The following TMPRSS11D variants were observed in gnomAD, a reference collection of about 807,000 sequenced individuals.
TMPRSS11D encodes transmembrane protease serine 11D.
A neutral mutation model predicts 44.4 loss-of-function variants in TMPRSS11D; 32 were observed. The observed-to-expected ratio is 0.72, with a 90% CI of 0.54 to 0.97. The LOEUF (loss-of-function observed/expected upper bound fraction) is 0.97. Among genes scored for constraint, TMPRSS11D ranks in the 50% least tolerant of loss-of-function variants. TMPRSS11D has a pLI of 0.00. For synonymous variants in TMPRSS11D, 179 were observed against 177.9 expected (o/e 1.01, Z -0.05); for missense variants, 446 against 502.6 (o/e 0.89, Z 1.08).
intron 1 of TMPRSS11D, among the ~76,000 whole-genome samples, chr4:67,876,033 C>T (rs185706247): frequency 1.5e-3 from 230 of 152,258 alleles, no homozygotes; most frequent in African/African-American, 5.1e-3. Context: ...CTTTCTGTCT[C>T]CTGAACAAAT....
chr4:67,865,887 T>C (rs1417661506), intron 1 of TMPRSS11D, among the ~76,000 whole-genome samples: 2 of 151,888 alleles, frequency 1.3e-5, no homozygotes, highest in Non-Finnish European at 2.9e-5. Flanking sequence ...CAGGACCAGA[T>C]GCATTCACAG....
At position 67,857,717 on chromosome 4, in the gene TMPRSS11D, G is replaced by C. The variant is rs940317748; in HGVS notation, c.130+1840C>G. ...ATACTAGAGACTGGGAAGGATGGAG[G>C]GGTGTGAGGGGGATTGAAGAGAGGT... On this transcript the variant is annotated intron_variant, in intron 2 of 9. Transcript: ENST00000283916. Among the ~76,000 whole-genome samples, 3 of 152,152 alleles carry C rather than the reference G, an allele frequency of 2.0e-5. No homozygotes were observed. The East Asian group carries it at 5.8e-4, about 29-fold the overall frequency.
intron 1 of TMPRSS11D, among the ~76,000 whole-genome samples, chr4:67,867,974 C>T (rs1718966332): frequency 6.6e-6 from 1 of 151,988 alleles, no homozygotes; most frequent in Non-Finnish European, 1.5e-5. Context: ...TGGGTATCTA[C>T]CCAAAGGAAA....
chr4:67,849,914 A>C (rs1174900003), intron 3 of TMPRSS11D, among the ~76,000 whole-genome samples: 3 of 152,142 alleles, frequency 2.0e-5, no homozygotes, highest in African/African-American at 7.2e-5. Context: ...CACAATCTTT[A>C]CTTACCAGTC....
intron 9 of TMPRSS11D, among the ~76,000 whole-genome samples, chr4:67,823,987 G>T (rs1717718780): frequency 6.6e-6 from 1 of 152,048 alleles, no homozygotes; most frequent in Non-Finnish European, 1.5e-5. Flanking sequence ...CCATAGACTT[G>T]CTGAATGCAG....
intron 3 of TMPRSS11D, among the ~76,000 whole-genome samples, chr4:67,848,341 A>G (rs1226785870): frequency 1.3e-5 from 2 of 152,202 alleles, no homozygotes; most frequent in Non-Finnish European, 2.9e-5. Context: ...GTAAACAGGT[A>G]CTTTCGTTAT....
intron 3 of TMPRSS11D, among the ~76,000 whole-genome samples, chr4:67,852,528 AG>A (rs1385199795): frequency 6.6e-6 from 1 of 152,216 alleles, no homozygotes; most frequent in Non-Finnish European, 1.5e-5. Flanking sequence ...TCACAGCTGG[AG>A]GACTGAATCA....
At chr4:67,864,218 T>C (rs993439478) in intron 1 of TMPRSS11D, among the ~76,000 whole-genome samples, 1 of 152,062 alleles carries the variant, frequency 6.6e-6, no homozygotes, top group Non-Finnish European at 1.5e-5. Flanking sequence ...TCCACACTTT[T>C]TATTTTGCTC....
In TMPRSS11D at chr4:67,827,421, A is replaced by G; in HGVS notation, c.792T>C (p.Tyr264=). The G allele has an allele frequency of 6.2e-7, 1 of 1,613,158 alleles. No homozygotes were observed. The highest frequency in any genetic ancestry group is 8.5e-7 in the Non-Finnish European group (1 of 1,179,504). Reference sequence around the variant, plus strand: ...TGTCATTTTCATGAGTTGCAGATTTATAATTGTTATGAATTAAAATATTTC... The same window carrying G: ...TGTCATTTTCATGAGTTGCAGATTTGTAATTGTTATGAATTAAAATATTTC... ...RVRNILIHNN[Y]KSATHENDIA... Residue 264 remains tyrosine, a synonymous_variant, in exon 8 of 10, where the codon TAT becomes TAC. Coordinates refer to ENST00000283916, the MANE Select transcript of TMPRSS11D (RefSeq NM_004262.3).
chr4:67,883,991 A>T lies in TMPRSS11D; in HGVS notation c.-58T>A. Reference sequence around the variant, plus strand: ...CCTACTCAACTGCTTTGAGATTCCCACTCAAATGAATGACTCTCATGTATT... The same window carrying T: ...CCTACTCAACTGCTTTGAGATTCCCTCTCAAATGAATGACTCTCATGTATT... On this transcript the variant is annotated 5_prime_UTR_variant, in exon 1 of 10. Coordinates refer to ENST00000283916, the MANE Select transcript of TMPRSS11D (RefSeq NM_004262.3). 4.0e-6 allele frequency: 6 copies of T among 1,506,542 alleles called. No homozygotes were observed. The highest frequency in any genetic ancestry group is 4.6e-6 in the Non-Finnish European group (5 of 1,097,476). The allele number at this position is 1,506,542 out of a possible 1,614,324, so 93.3% of individuals were successfully genotyped here. A position where few individuals can be genotyped will look rare whatever the true frequency, so the allele number is the denominator to read the frequency against.
rs1719075361 is a variant in TMPRSS11D, at chr4:67,872,181, C to T, written c.8+11745G>A. On this transcript the variant is annotated intron_variant, in intron 1 of 9. Coordinates refer to ENST00000283916, the MANE Select transcript of TMPRSS11D (RefSeq NM_004262.3). ...TTTCAAAACAAGAAACAACTACTTA[C>T]AGACTTGCTTGCTTCCTTGCCTATT... is the stretch of plus-strand genomic sequence containing the variant. Among the ~76,000 whole-genome samples the T allele has an allele frequency of 2.6e-5, 4 of 152,174 alleles. No individual in the cohort carries two copies. The South Asian group carries it at 8.3e-4, about 31-fold the overall frequency.
At chr4:67,859,749 T>C in intron 1 of TMPRSS11D, 71 bp from the exon 2 acceptor site, 1 of 1,579,238 alleles carries the variant, frequency 6.3e-7, no homozygotes, top group Non-Finnish European at 8.6e-7. Context: ...GTGTTCATGA[T>C]TGTCTTCTGT....
At chr4:67,839,702 G>A (rs1718184161) in intron 4 of TMPRSS11D, among the ~76,000 whole-genome samples, 1 of 151,788 alleles carries the variant, frequency 6.6e-6, no homozygotes, top group Admixed American at 6.6e-5. Flanking sequence ...ATCTGTTTCC[G>A]AGATCCAGCT....
intron 3 of TMPRSS11D, among the ~76,000 whole-genome samples, chr4:67,851,770 T>A (rs1232326860): frequency 6.6e-6 from 1 of 152,228 alleles, no homozygotes; most frequent in African/African-American, 2.4e-5. Flanking sequence ...CTACCGAAGT[T>A]AGACATTTCT....
At chr4:67,842,688 A>C in intron 3 of TMPRSS11D, 63 bp from the exon 4 acceptor site, 1 of 1,429,056 alleles carries the variant, frequency 7.0e-7, no homozygotes, top group Non-Finnish European at 9.7e-7. Context: ...CTTCCTCTCA[A>C]CCTTGCAACA....
rs558274402 is a variant in TMPRSS11D, at chr4:67,822,224, A to C, written c.*113T>G. 1.7e-6 allele frequency: 2 copies of C among 1,177,882 alleles called. No homozygotes were observed. The highest frequency in any genetic ancestry group is 4.3e-5 in the Admixed American group (2 of 46,268). The allele number at this position is 1,177,882 out of a possible 1,614,324, so 73.0% of individuals were successfully genotyped here. A position where few individuals can be genotyped will look rare whatever the true frequency, so the allele number is the denominator to read the frequency against. On this transcript the variant is annotated 3_prime_UTR_variant, in exon 10 of 10. Transcript: ENST00000283916. ...GTTTGTTAAACCATATTTATGTAACAAGATGTTAAATTAGGACATTTCTAG... is the reference window on the plus strand; with the variant it reads ...GTTTGTTAAACCATATTTATGTAACCAGATGTTAAATTAGGACATTTCTAG...
At chr4:67,867,033 A>G (rs1718941844) in intron 1 of TMPRSS11D, among the ~76,000 whole-genome samples, 1 of 152,146 alleles carries the variant, frequency 6.6e-6, no homozygotes. Context: ...AAGCAATTCT[A>G]AGCAAAAAGA....
Position 67,854,057 on chromosome 4 carries a change from T to C in TMPRSS11D, c.249+11A>G, listed in dbSNP as rs1429190040. 1.4e-6 allele frequency: 2 copies of C among 1,414,022 alleles called. No homozygotes were observed. The highest frequency in any genetic ancestry group is 2.2e-5 in the Admixed American group (1 of 44,862). The allele number at this position is 1,414,022 out of a possible 1,614,324, so 87.6% of individuals were successfully genotyped here. ...TAATGGAATAAAGAGCAAAGACAAA[T>C]ATTAACTTACCAGAGATTCAATTCT... is the stretch of plus-strand genomic sequence containing the variant. On this transcript the variant is annotated intron_variant, in intron 3 of 9. Coordinates refer to ENST00000283916, the MANE Select transcript of TMPRSS11D (RefSeq NM_004262.3).
rs560466041 is a variant in TMPRSS11D at position 67,866,523 on chromosome 4, T to C, written c.9-6845A>G. Among the ~76,000 whole-genome samples the C allele has an allele frequency of 1.1e-3, 171 of 151,802 alleles. 1 individual carries two copies. The highest frequency in any genetic ancestry group is 3.9e-3 in the African/African-American group (161 of 41,462). On this transcript the variant is annotated intron_variant, in intron 1 of 9. Transcript: ENST00000283916. ...ATCAGGCAAGAGAAAAAATAAGATA[T>C]CCAACTTGGAAAAGAGGAAGTCAAA...
Sources: allele counts gnomAD v4.1 joint callset (sites outside exome capture counted in the v4.1 genomes callset), GRCh38; gene constraint gnomAD v4.1.1; transcripts MANE v1.5; gene names NCBI Gene and HGNC (gene_info 2026-07-23, HGNC 2026-07-21).